Variants in NAALADL2 observed in about 807,000 individuals in gnomAD.
NAALADL2 encodes N-acetylated alpha-linked acidic dipeptidase like 2.
Under a neutral mutation model 87.2 loss-of-function variants are expected in NAALADL2, and 76 were observed. That is an observed-to-expected ratio of 0.87 (90% CI 0.72 to 1.05). The LOEUF (loss-of-function observed/expected upper bound fraction) is 1.05. Among genes scored for constraint, NAALADL2 ranks in the 50% least tolerant of loss-of-function variants. The pLI is 0.00. For synonymous variants in NAALADL2, 354 were observed against 331.0 expected (o/e 1.07, Z -0.75); for missense variants, 1,089 against 945.8 (o/e 1.15, Z -1.99).
At chr3:174,696,499 T>G (rs562195365) in intron 2 of NAALADL2, among the ~76,000 whole-genome samples, 1 of 151,542 alleles carries the variant, frequency 6.6e-6, no homozygotes, top group South Asian at 2.1e-4. Context: ...CATTCTTGAC[T>G]GATACTGCTA....
rs987667803 is a variant in NAALADL2 at position 175,204,792 on chromosome 3, C to T, written c.546-29139C>T. Among the ~76,000 whole-genome samples the T allele has an allele frequency of 8.5e-5, 13 of 152,196 alleles. No homozygotes were observed. The East Asian group carries it at 1.9e-3, about 23-fold the overall frequency. On this transcript the variant is annotated intron_variant, in intron 2 of 13. Transcript: ENST00000454872. The stretch of plus-strand genomic sequence containing the variant: ...TGCACAAATCAGCACCTCTTTTATA[C>T]ACCAACAGCAACAAAGCAGAGAATC...
intron 2 of NAALADL2, among the ~76,000 whole-genome samples, chr3:174,704,323 T>C (rs1200447790): frequency 6.6e-6 from 1 of 152,180 alleles, no homozygotes; most frequent in East Asian, 1.9e-4. Flanking sequence ...CATCAGACAG[T>C]ATTCTATGGT....
intron 7 of NAALADL2, among the ~76,000 whole-genome samples, chr3:175,463,702 GA>G (rs1390466200): frequency 1.5e-3 from 32 of 20,938 alleles, no homozygotes; most frequent in Non-Finnish European, 3.0e-3. Flanking sequence ...TTAGTCGGGG[GA>G]GAGAGAGAGA....
At chr3:174,796,071 C>T (rs1718046687) in intron 3 of NAALADL2, among the ~76,000 whole-genome samples, 1 of 152,070 alleles carries the variant, frequency 6.6e-6, no homozygotes, top group African/African-American at 2.4e-5. Flanking sequence ...TCTAGATAGA[C>T]CCTAGTCTAA....
intron 3 of NAALADL2, among the ~76,000 whole-genome samples, chr3:174,799,186 T>C (rs1001166280): frequency 6.8e-6 from 1 of 146,050 alleles, no homozygotes; most frequent in Non-Finnish European, 1.5e-5. Context: ...AAAAAAAAAA[T>C]TATTTTGTGT....
At chr3:174,840,189 A>G (rs1424149675) in intron 3 of NAALADL2, among the ~76,000 whole-genome samples, 1 of 151,700 alleles carries the variant, frequency 6.6e-6, no homozygotes, top group Non-Finnish European at 1.5e-5. Flanking sequence ...TATGATACAT[A>G]TAAATATGTG....
intron 1 of NAALADL2, 112 bp from the exon 2 acceptor site, chr3:175,096,678 C>T: frequency 2.0e-6 from 1 of 506,838 alleles, no homozygotes; most frequent in Non-Finnish European, 3.2e-6. Context: ...AATTTATTTC[C>T]CTGTATTATA....
intron 3 of NAALADL2, among the ~76,000 whole-genome samples, chr3:175,254,810 AG>A (rs1393341570): frequency 1.3e-5 from 2 of 152,254 alleles, no homozygotes; most frequent in Non-Finnish European, 2.9e-5. Context: ...AATGTATTAA[AG>A]GCACTGATTT....
Position 174,611,588 on chromosome 3 carries a change from T to C in NAALADL2, c.-115+60951T>C, listed in dbSNP as rs537524511. ...GTTTTGTAGCTTCGATTATTTCTTT[T>C]TTGTTTTCTTTTTTCTTTTTTGAGA... On this transcript the variant is annotated intron_variant, in intron 2 of 3. Transcript: ENST00000434257. Among the ~76,000 whole-genome samples the C allele has an allele frequency of 4.0e-4, 61 of 152,184 alleles. 1 individual carries two copies. The highest frequency in any genetic ancestry group is 3.4e-3 in the Middle Eastern group (1 of 294).
chr3:175,729,613 A>G lies in NAALADL2; in HGVS notation c.1897-7693A>G, dbSNP rs143356879. The stretch of plus-strand genomic sequence containing the variant: ...CAGCTGTTTCTGTACCTCACTTCCA[A>G]TTTCTATACATCACTTCCCTTTGCT... On this transcript the variant is annotated intron_variant, in intron 11 of 13. Coordinates refer to ENST00000454872, the MANE Select transcript of NAALADL2 (RefSeq NM_207015.3). 1.5e-3 allele frequency among the ~76,000 whole-genome samples: 232 copies of G among 152,178 alleles called. 1 individual carries two copies. The highest frequency in any genetic ancestry group is 5.2e-3 in the African/African-American group (216 of 41,516).
intron 1 of NAALADL2, among the ~76,000 whole-genome samples, chr3:174,907,453 T>C (rs1733111580): frequency 6.6e-6 from 1 of 152,096 alleles, no homozygotes; most frequent in African/African-American, 2.4e-5. Flanking sequence ...AACATTTTCA[T>C]GTATAAATTC....
In NAALADL2 at chr3:174,847,206, T is replaced by C. The variant is rs147149013; in HGVS notation, c.-9+109460T>C. Among the ~76,000 whole-genome samples the C allele has an allele frequency of 3.6e-3, 547 of 152,324 alleles. 3 individuals are homozygous for C. The highest frequency in any genetic ancestry group is 0.013 in the African/African-American group (528 of 41,580). ...CCCATATTTCTTATATGTGTATACCTTTCCCCTACTTTCCTAGTTTACCTA... is the reference window on the plus strand; with the variant it reads ...CCCATATTTCTTATATGTGTATACCCTTCCCCTACTTTCCTAGTTTACCTA... On this transcript the variant is annotated intron_variant, in intron 3 of 3. Transcript: ENST00000434257.
rs79193192 is a variant in NAALADL2 at position 175,743,569 on chromosome 3, C to T, written c.1990+6170C>T. The stretch of plus-strand genomic sequence containing the variant: ...AATGCATTATGATGGACCAGATGTA[C>T]GTGAAGGATGTATGTAATGAATGCA... On this transcript the variant is annotated intron_variant, in intron 12 of 13. Transcript: ENST00000454872. Among the ~76,000 whole-genome samples, 1,371 of 152,214 alleles carry T rather than the reference C, an allele frequency of 9.0e-3. 11 individuals are homozygous for T. Among genetic ancestry groups the T allele is most frequent in the Non-Finnish European group, 0.014 (944 of 68,006 alleles).
intron 11 of NAALADL2, among the ~76,000 whole-genome samples, chr3:175,645,513 A>G (rs1486987042): frequency 6.6e-6 from 1 of 152,008 alleles, no homozygotes; most frequent in Admixed American, 6.6e-5. Context: ...CGTCTGGAAA[A>G]TTTTTCCTGG....
intron 11 of NAALADL2, among the ~76,000 whole-genome samples, chr3:175,699,250 A>G (rs1349064776): frequency 6.6e-6 from 1 of 151,904 alleles, no homozygotes; most frequent in Non-Finnish European, 1.5e-5. Flanking sequence ...TAATGTTGAG[A>G]ACCATAAATC....
chr3:175,040,803 A>G, intron 1 of NAALADL2, among the ~76,000 whole-genome samples: 1 of 152,130 alleles, frequency 6.6e-6, no homozygotes, highest in East Asian at 1.9e-4. Flanking sequence ...AAGGGTGTTC[A>G]TGCTTCTGTT....
At chr3:175,072,680 T>C (rs1010316804) in intron 1 of NAALADL2, among the ~76,000 whole-genome samples, 1 of 103,648 alleles carries the variant, frequency 9.6e-6, no homozygotes, top group Admixed American at 1.5e-4. Flanking sequence ...AGGTTAATTA[T>C]TGAAAAACGG....
At chr3:174,698,152 T>G (rs1286691625) in intron 2 of NAALADL2, among the ~76,000 whole-genome samples, 1 of 152,186 alleles carries the variant, frequency 6.6e-6, no homozygotes, top group Non-Finnish European at 1.5e-5. Flanking sequence ...TTGTGTAATA[T>G]ATAATGTTAT....
intron 9 of NAALADL2, among the ~76,000 whole-genome samples, chr3:175,558,105 G>A (rs1324064714): frequency 2.0e-5 from 3 of 148,594 alleles, no homozygotes; most frequent in African/African-American, 7.5e-5. Context: ...TGAGGCAGGA[G>A]AATGGCGTGA....
Sources: allele counts gnomAD v4.1 joint callset (sites outside exome capture counted in the v4.1 genomes callset), GRCh38; gene constraint gnomAD v4.1.1; transcripts MANE v1.5; gene names NCBI Gene and HGNC (gene_info 2026-07-23, HGNC 2026-07-21).